Variants in SLC12A1 observed in about 807,000 individuals in gnomAD.
SLC12A1 encodes the protein solute carrier family 12 member 1, also known as Na-K-2Cl cotransporter.
In SLC12A1, 89 loss-of-function variants were observed where a neutral mutation model predicts 130.4. The observed-to-expected ratio is 0.68, with a 90% CI of 0.58 to 0.81. The LOEUF (loss-of-function observed/expected upper bound fraction) is 0.81. SLC12A1 is among the 40% of genes least tolerant of loss of function. SLC12A1 has a pLI of 0.00. For synonymous variants in SLC12A1, 499 were observed against 460.0 expected (o/e 1.08, Z -1.09); for missense variants, 1,310 against 1,336.4 (o/e 0.98, Z 0.31).
At chr15:48,294,166 C>T (rs1347531651) in intron 24 of SLC12A1, among the ~76,000 whole-genome samples, 1 of 151,482 alleles carries the variant, frequency 6.6e-6, no homozygotes, top group African/African-American at 2.4e-5. Context: ...CTGACCAACA[C>T]GGTGAAACCC....
chr15:48,208,503 G>C (rs974664516), intron 2 of SLC12A1, among the ~76,000 whole-genome samples: 4 of 152,040 alleles, frequency 2.6e-5, no homozygotes, highest in African/African-American at 9.7e-5. Flanking sequence ...TGTAGAGACA[G>C]GGTCTTGCTA....
intron 2 of SLC12A1, among the ~76,000 whole-genome samples, chr15:48,211,367 C>A (rs1597394694): frequency 6.6e-6 from 1 of 152,200 alleles, no homozygotes; most frequent in Non-Finnish European, 1.5e-5. Flanking sequence ...ACTCTCCTTA[C>A]TTTTCCCCCC....
intron 16 of SLC12A1, among the ~76,000 whole-genome samples, chr15:48,256,440 A>G (rs918293180): frequency 1.3e-5 from 2 of 152,142 alleles, no homozygotes; most frequent in African/African-American, 4.8e-5. Context: ...GGACAGGGGG[A>G]CTGTATTAGT....
chr15:48,254,801 G>A (rs2041687303), intron 15 of SLC12A1, among the ~76,000 whole-genome samples: 1 of 152,068 alleles, frequency 6.6e-6, no homozygotes, highest in South Asian at 2.1e-4. Context: ...GCGGGCGCCT[G>A]TAGTCCCAGC....
chr15:48,208,134 G>A lies in SLC12A1; in HGVS notation c.415G>A (p.Ala139Thr), dbSNP rs144128875. 699 of 1,578,558 alleles carry A rather than the reference G, an allele frequency of 4.4e-4. 4 individuals are homozygous for A. In the African/African-American group the frequency reaches 8.4e-3, roughly 19 times the overall value. ...CCTGCTTGAGATTCACGAGCAACTC[G>A]CAAAGGTAAGCTTGAAGGACACAAG... is the stretch of plus-strand genomic sequence containing the variant. ...PSLLEIHEQL[A>T]KNVAVTPSSA... The change falls in exon 2 of 27, where the codon GCA becomes ACA. Residue 139 changes from alanine (A) to threonine (T), a missense_variant. Ala to Thr is a moderately conservative substitution (Grantham distance 58). Transcript: ENST00000380993.
intron 20 of SLC12A1, among the ~76,000 whole-genome samples, chr15:48,277,790 T>C (rs1269184394): frequency 6.6e-6 from 1 of 152,166 alleles, no homozygotes; most frequent in Non-Finnish European, 1.5e-5. Flanking sequence ...TATGAGTGGA[T>C]TAGGTGAATT....
intron 20 of SLC12A1, among the ~76,000 whole-genome samples, chr15:48,276,348 C>T (rs542398577): frequency 6.6e-6 from 1 of 152,218 alleles, no homozygotes; most frequent in Admixed American, 6.5e-5. Flanking sequence ...GTGTCTCCCC[C>T]ACCAAATTCA....
chr15:48,230,420 A>G lies in SLC12A1; in HGVS notation c.892A>G (p.Thr298Ala). 1 of 1,612,534 alleles carries G rather than the reference A, an allele frequency of 6.2e-7. No individual in the cohort carries two copies. The highest frequency in any genetic ancestry group is 1.1e-5 in the South Asian group (1 of 90,380). The change falls in exon 7 of 27, where the codon ACC (threonine) becomes GCC (alanine). Residue 298 changes from threonine to alanine, a missense_variant. Thr to Ala is a moderately conservative substitution (Grantham distance 58, BLOSUM62 0). Coordinates refer to ENST00000380993, the MANE Select transcript of SLC12A1 (RefSeq NM_000338.3). The stretch of plus-strand genomic sequence containing the variant: ...GAGTGATTCGATGATGGTGGATCCA[A>G]CCAATGACATCCGGATTATAGGCTC... ...KESDSMMVDP[T>A]NDIRIIGSIT... is the part of the protein sequence containing the mutation.
intron 17 of SLC12A1, among the ~76,000 whole-genome samples, chr15:48,262,452 T>A (rs1170131997): frequency 6.6e-6 from 1 of 152,184 alleles, no homozygotes; most frequent in Non-Finnish European, 1.5e-5. Context: ...AATCATTATT[T>A]GAAATTAAGA....
intron 9 of SLC12A1, among the ~76,000 whole-genome samples, chr15:48,235,799 C>A (rs2041433134): frequency 6.6e-6 from 1 of 152,014 alleles, no homozygotes; most frequent in African/African-American, 2.4e-5. Flanking sequence ...ACCCAGATAA[C>A]CTCTTTGTTT....
intron 20 of SLC12A1, among the ~76,000 whole-genome samples, chr15:48,275,552 T>C (rs1027624733): frequency 1.3e-5 from 2 of 152,150 alleles, no homozygotes; most frequent in African/African-American, 2.4e-5. Flanking sequence ...AAATTACCTT[T>C]GATTTGCGAT....
chr15:48,291,388 CTGTT>C (rs940205988), intron 23 of SLC12A1, among the ~76,000 whole-genome samples: 2 of 151,554 alleles, frequency 1.3e-5, no homozygotes, highest in Non-Finnish European at 1.5e-5. Flanking sequence ...TGTATGATAA[CTGTT>C]TGTCAGTAGC....
chr15:48,258,091 G>C (rs1450459420), intron 16 of SLC12A1, among the ~76,000 whole-genome samples: 1 of 70,586 alleles, frequency 1.4e-5, no homozygotes, highest in Non-Finnish European at 2.3e-5. Flanking sequence ...GCCGGGCGCG[G>C]TGGCTCACGC....
Position 48,230,461 on chromosome 15 carries a change from TC to T in SLC12A1, c.934del (p.Leu312PhefsTer2). On this transcript the variant is annotated frameshift_variant, in exon 7 of 27. Transcript: ENST00000380993. LOFTEE classifies it high-confidence loss of function. ...TTATAGGCTCCATCACAGTGGTGAT[TC>T]TTCTAGGAATTTCAGTAGCTGGAAT... ...RIIGSITVVI[L>X]LGISVAGMEW... The T allele has an allele frequency of 1.2e-6, 2 of 1,612,914 alleles. No individual in the cohort carries two copies. The highest frequency in any genetic ancestry group is 1.7e-6 in the Non-Finnish European group (2 of 1,179,520).
Position 48,285,776 on chromosome 15 carries a change from A to C in SLC12A1, c.2629+527A>C, listed in dbSNP as rs183030314. On this transcript the variant is annotated intron_variant, in intron 21 of 26. Coordinates refer to ENST00000380993, the MANE Select transcript of SLC12A1 (RefSeq NM_000338.3). ...TAGATTTCATCTAAATGCTACACTTATATGTGGACTTATGGTATGCAGTCC... is the reference window on the plus strand; with the variant it reads ...TAGATTTCATCTAAATGCTACACTTCTATGTGGACTTATGGTATGCAGTCC... 6.2e-4 allele frequency among the ~76,000 whole-genome samples: 94 copies of C among 152,376 alleles called. 2 individuals carry two copies. The highest frequency in any genetic ancestry group is 5.8e-3 in the South Asian group (28 of 4,828).
At chr15:48,271,330 A>C (rs1413973935) in intron 19 of SLC12A1, among the ~76,000 whole-genome samples, 1 of 152,174 alleles carries the variant, frequency 6.6e-6, no homozygotes, top group Non-Finnish European at 1.5e-5. Context: ...ACATCTCTGG[A>C]AATGGAAGGT....
chr15:48,297,689 TCCAAGG>T (rs1391166848), intron 24 of SLC12A1, among the ~76,000 whole-genome samples: 1 of 152,218 alleles, frequency 6.6e-6, no homozygotes, highest in Non-Finnish European at 1.5e-5. Flanking sequence ...ATCTTGCCTT[TCCAAGG>T]CACTGCATGC....
chr15:48,219,546 ACT>A (rs2041173048), intron 2 of SLC12A1, among the ~76,000 whole-genome samples: 1 of 151,728 alleles, frequency 6.6e-6, no homozygotes, highest in Non-Finnish European at 1.5e-5. Context: ...ACAGAGCAAG[ACT>A]CTGTCAAAGA....
Position 48,302,953 on chromosome 15 carries a change from T to G in SLC12A1, c.*68T>G. 8.0e-7 allele frequency: 1 copy of G among 1,248,506 alleles called. No homozygotes were observed. Among genetic ancestry groups the G allele is most frequent in the Non-Finnish European group, 1.1e-6 (1 of 881,344 alleles). 77.3% of individuals were successfully genotyped at this position (1,248,506 alleles called of 1,614,324 possible). A position where few individuals can be genotyped will look rare whatever the true frequency, so the allele number is the denominator to read the frequency against. ...AATTAAGAAACATGTTCCAGTACTT[T>G]ATGTTGTAAATCTGATCTATGGATA... On this transcript the variant is annotated 3_prime_UTR_variant, in exon 27 of 27. Transcript: ENST00000380993.
Sources: allele counts gnomAD v4.1 joint callset (sites outside exome capture counted in the v4.1 genomes callset), GRCh38; gene constraint gnomAD v4.1.1; transcripts MANE v1.5; gene names NCBI Gene and HGNC (gene_info 2026-07-23, HGNC 2026-07-21).